GPRIN3: variants seen among roughly 807,000 people sequenced by gnomAD.
GPRIN3 encodes GPRIN family member 3.
Under a neutral mutation model 13.7 loss-of-function variants are expected in GPRIN3, and 12 were observed. That is an observed-to-expected ratio of 0.87 (90% CI 0.56 to 1.42). The LOEUF is 1.42. Among genes scored for constraint, GPRIN3 ranks in the 40% most tolerant of loss-of-function variants. GPRIN3 has a pLI of 0.00. For synonymous variants in GPRIN3, 377 were observed against 372.7 expected (o/e 1.01, Z -0.13); for missense variants, 1,009 against 958.7 (o/e 1.05, Z -0.69).
chr4:89,280,647 GA>G (rs1724220824), intron 1 of GPRIN3, among the ~76,000 whole-genome samples: 1 of 152,148 alleles, frequency 6.6e-6, no homozygotes, highest in South Asian at 2.1e-4. Context: ...AATTTTATTT[GA>G]AAATAGGTTT....
chr4:89,268,124 C>A (rs1204442262), intron 1 of GPRIN3, among the ~76,000 whole-genome samples: 1 of 152,082 alleles, frequency 6.6e-6, no homozygotes, highest in Non-Finnish European at 1.5e-5. Context: ...TAGAGGTTTT[C>A]CAACAGACCA....
Position 89,248,290 on chromosome 4 carries a change from C to A in GPRIN3, c.1821G>T (p.Leu607=), listed in dbSNP as rs751620010. The A allele has an allele frequency of 2.7e-5, 44 of 1,614,074 alleles. No individual in the cohort carries two copies. The highest frequency in any genetic ancestry group is 3.7e-5 in the Non-Finnish European group (44 of 1,180,034). The change falls in exon 2 of 2, where the codon CTG becomes CTT. Residue 607 remains leucine (L), a synonymous_variant. Transcript: ENST00000609438. ...TGGAGTCACCCATGGGATCAGATGG[C>A]AGGCTCAGGCTGGTGGCTGTCTTGG... ...RQTKTATSLS[L]PSDPMGDSSP... is the part of the protein sequence containing the mutation.
chr4:89,269,727 T>C (rs1723876807), intron 1 of GPRIN3, among the ~76,000 whole-genome samples: 1 of 152,194 alleles, frequency 6.6e-6, no homozygotes, highest in South Asian at 2.1e-4. Context: ...GATTGTGCAG[T>C]AGGAATTTCC....
Position 89,242,208 on chromosome 4 carries a change from G to T in GPRIN3, c.*5572C>A, listed in dbSNP as rs1027745280. 3 of 152,190 alleles carry T rather than the reference G, an allele frequency of 2.0e-5. No homozygotes were observed. The highest frequency in any genetic ancestry group is 6.5e-5 in the Admixed American group (1 of 15,272). The allele number at this position is 152,190 out of a possible 1,614,324, so 9.4% of individuals were successfully genotyped here. On this transcript the variant is annotated 3_prime_UTR_variant, in exon 2 of 2. Coordinates refer to ENST00000609438, the MANE Select transcript of GPRIN3 (RefSeq NM_198281.3). ...GCTTGAATCCAGAAAGATACTTGAT[G>T]AAGAGTTAGCATTTAGAAGTGCCCA...
intron 1 of GPRIN3, among the ~76,000 whole-genome samples, chr4:89,285,839 G>C (rs1466438443): frequency 6.6e-6 from 1 of 152,108 alleles, no homozygotes; most frequent in African/African-American, 2.4e-5. Flanking sequence ...TAAGTAGCTT[G>C]TTAGAATGCT....
chr4:89,262,164 T>C (rs935236840), intron 1 of GPRIN3, among the ~76,000 whole-genome samples: 42 of 150,130 alleles, frequency 2.8e-4, no homozygotes, highest in Admixed American at 8.6e-4. Flanking sequence ...TGGAATAATC[T>C]CCAAAATACA....
chr4:89,273,804 A>G (rs566289216), intron 1 of GPRIN3, among the ~76,000 whole-genome samples: 2 of 152,360 alleles, frequency 1.3e-5, no homozygotes, highest in South Asian at 4.1e-4. Flanking sequence ...CCTCCTGGAA[A>G]TGACCTGTGT....
In GPRIN3 at chr4:89,249,919, G is replaced by A. The variant is rs1723274690; in HGVS notation, c.192C>T (p.Ala64=). 6.2e-7 allele frequency: 1 copy of A among 1,614,182 alleles called. No homozygotes were observed. The highest frequency in any genetic ancestry group is 1.3e-5 in the African/African-American group (1 of 75,042). ...PDLSPRAAAE[A]LMQVCEHETT... is the part of the protein sequence containing the mutation. ...TCTCATGCTCACAAACCTGCATCAG[G>A]GCTTCGGCAGCTGCCCTGGGGCTGA... Residue 64 remains alanine, a synonymous_variant, in exon 2 of 2, where the codon GCC becomes GCT. Transcript: ENST00000609438.
In GPRIN3 at chr4:89,261,385, G is replaced by A. The variant is rs182758063; in HGVS notation, c.-123-11152C>T. Among the ~76,000 whole-genome samples, 89 of 152,314 alleles carry A rather than the reference G, an allele frequency of 5.8e-4. No homozygotes were observed. The Middle Eastern group carries it at 0.014, about 23-fold the overall frequency. On this transcript the variant is annotated intron_variant, in intron 1 of 1. Transcript: ENST00000609438. The stretch of plus-strand genomic sequence containing the variant: ...ATTGAAAGAACCACTGATCCAGGAG[G>A]TGAGCATATTTACCTTTGATAGACA...
rs1325865349 is a variant in GPRIN3 at position 89,240,318 on chromosome 4, C to T, written c.*7462G>A. On this transcript the variant is annotated 3_prime_UTR_variant, in exon 2 of 2. Transcript: ENST00000609438. ...GAACCCCACCCAAGGGTTCATTGCTCATATCCTATTATCTCACCAACATCA... is the reference window on the plus strand; with the variant it reads ...GAACCCCACCCAAGGGTTCATTGCTTATATCCTATTATCTCACCAACATCA... 6.6e-6 allele frequency: 1 copy of T among 152,148 alleles called. No individual in the cohort carries two copies. Among genetic ancestry groups the T allele is most frequent in the Admixed American group, 6.5e-5 (1 of 15,276 alleles). 9.4% of individuals were successfully genotyped at this position (152,148 alleles called of 1,614,324 possible).
intron 1 of GPRIN3, among the ~76,000 whole-genome samples, chr4:89,299,480 A>T (rs1396600851): frequency 4.6e-5 from 7 of 152,142 alleles, no homozygotes; most frequent in Admixed American, 4.6e-4. Context: ...TACCGAAGAG[A>T]TCTGTCTGAG....
At chr4:89,297,165 ATT>A (rs1013415103) in intron 1 of GPRIN3, among the ~76,000 whole-genome samples, 7 of 152,194 alleles carry the variant, frequency 4.6e-5, no homozygotes, top group Admixed American at 3.9e-4. Flanking sequence ...ATGTGTTATT[ATT>A]TAGTAGTACA....
At chr4:89,252,057 C>T (rs866580413) in intron 1 of GPRIN3, among the ~76,000 whole-genome samples, 6 of 151,756 alleles carry the variant, frequency 4.0e-5, no homozygotes, top group African/African-American at 9.7e-5. Flanking sequence ...ACTGCAGCCT[C>T]GACCTCCCAG....
intron 1 of GPRIN3, among the ~76,000 whole-genome samples, chr4:89,259,961 C>T (rs544504130): frequency 6.6e-6 from 1 of 152,272 alleles, no homozygotes; most frequent in Non-Finnish European, 1.5e-5. Flanking sequence ...TGTGCCACCA[C>T]ACCTGGCTAA....
rs1387217674 is a variant in GPRIN3, at chr4:89,239,775, C to T, written c.*8005G>A. On this transcript the variant is annotated 3_prime_UTR_variant, in exon 2 of 2. Coordinates refer to ENST00000609438, the MANE Select transcript of GPRIN3 (RefSeq NM_198281.3). ...TTCCCAGGTTCAAGTGATTCTCCCACCTCAGCCTCCCGAGTAGCTGGGATT... is the reference window on the plus strand; with the variant it reads ...TTCCCAGGTTCAAGTGATTCTCCCATCTCAGCCTCCCGAGTAGCTGGGATT... The T allele has an allele frequency of 2.0e-5, 3 of 152,282 alleles. No individual in the cohort carries two copies. The highest frequency in any genetic ancestry group is 4.4e-5 in the Non-Finnish European group (3 of 68,122). 9.4% of individuals were successfully genotyped at this position (152,282 alleles called of 1,614,324 possible).
chr4:89,283,293 C>T (rs558042708), intron 1 of GPRIN3, among the ~76,000 whole-genome samples: 20 of 152,326 alleles, frequency 1.3e-4, no homozygotes, highest in African/African-American at 4.3e-4. Flanking sequence ...CACAAAGGCT[C>T]AATTCCTGCC....
chr4:89,267,970 C>T (rs570950839), intron 1 of GPRIN3, among the ~76,000 whole-genome samples: 82 of 151,972 alleles, frequency 5.4e-4, no homozygotes, highest in Non-Finnish European at 9.7e-4. Flanking sequence ...TATCAGATTG[C>T]GTGATATTTG....
rs766202791 is a variant in GPRIN3 at position 89,248,556 on chromosome 4, T to C, written c.1555A>G (p.Ser519Gly). The C allele has an allele frequency of 3.2e-5, 52 of 1,613,154 alleles. No homozygotes were observed. The highest frequency in any genetic ancestry group is 6.7e-5 in the Admixed American group (4 of 59,976). ...CKLSDSCGSI[S>G]KADHSGSLDP... ...AAGCTCCCAGAATGATCAGCTTTGC[T>C]GATAGAGCCACAAGAGTCAGATAGT... The change falls in exon 2 of 2, where the codon AGC becomes GGC. Residue 519 changes from serine (S) to glycine (G), a missense_variant. Transcript: ENST00000609438.
At chr4:89,307,523 CG>C (rs1725067924) in intron 1 of GPRIN3, 91 bp downstream of exon 1, 1 of 152,262 alleles carries the variant, frequency 6.6e-6, no homozygotes, top group Non-Finnish European at 1.5e-5. Context: ...AATGTGGGAC[CG>C]AATCCCTTCC....
Sources: gnomAD v4.1 joint callset for allele counts (sites outside exome capture counted in the v4.1 genomes callset) on GRCh38, gnomAD v4.1.1 for gene constraint, MANE v1.5 for transcripts, NCBI Gene and HGNC (gene_info 2026-07-23, HGNC 2026-07-21) for gene names.